RPA3: variants seen among roughly 807,000 people sequenced by gnomAD.
RPA3 encodes replication protein A 14 kDa subunit.
A neutral mutation model predicts 13.7 loss-of-function variants in RPA3; 24 were observed. The observed-to-expected ratio is 1.75, with a 90% CI of 1.27 to 2.46. The LOEUF is 2.46. Ranked by LOEUF, RPA3 falls within the 30% of genes most tolerant of loss-of-function variation. The pLI, the probability that RPA3 is intolerant of heterozygous loss-of-function variation, is 0.00. For synonymous variants in RPA3, 59 were observed against 51.2 expected, an observed-to-expected ratio of 1.15 and a Z score of -0.65; for missense variants, 183 against 151.0, an observed-to-expected ratio of 1.21 and a Z score of -1.11.
chr7:7,680,346 T>C (rs976742977), intron 4 of RPA3, among the ~76,000 whole-genome samples: 2 of 152,172 alleles, frequency 1.3e-5, no homozygotes, highest in Non-Finnish European at 2.9e-5. Context: ...ATGAGTTCAT[T>C]GTAAATGTGT....
intron 4 of RPA3, among the ~76,000 whole-genome samples, chr7:7,681,771 G>A (rs1779919881): frequency 6.6e-6 from 1 of 152,064 alleles, no homozygotes; most frequent in Admixed American, 6.6e-5. Flanking sequence ...GTTATGACAT[G>A]TTTAATTGTA....
At chr7:7,717,782 G>A (rs917171413) in intron 1 of RPA3, among the ~76,000 whole-genome samples, 7 of 152,212 alleles carry the variant, frequency 4.6e-5, no homozygotes, top group Non-Finnish European at 5.9e-5. Context: ...ATGAGAGCAT[G>A]AGTTTGAAAT....
intron 2 of RPA3, among the ~76,000 whole-genome samples, chr7:7,709,792 T>A (rs79461078): frequency 3.3e-5 from 5 of 150,864 alleles, no homozygotes; most frequent in East Asian, 1.9e-4. Flanking sequence ...TTTTTTTTTT[T>A]AAATAATGAG....
At chr7:7,660,371 T>A (rs1785444516) in intron 4 of RPA3, among the ~76,000 whole-genome samples, 1 of 152,210 alleles carries the variant, frequency 6.6e-6, no homozygotes, top group Non-Finnish European at 1.5e-5. Flanking sequence ...TTTTTCCAGT[T>A]AGTTGATGCA....
chr7:7,662,259 G>A (rs1583705989), intron 4 of RPA3, among the ~76,000 whole-genome samples: 2 of 152,186 alleles, frequency 1.3e-5, no homozygotes, highest in South Asian at 4.1e-4. Context: ...ATGGGGTTGG[G>A]ATCCACTGAG....
intron 5 of RPA3, chr7:7,640,097 A>G (rs942927544): frequency 1.8e-6 from 1 of 565,704 alleles, no homozygotes; most frequent in African/African-American, 1.9e-5. Flanking sequence ...GGGCACTGGA[A>G]TTTAGAACTC....
At chr7:7,684,072 C>G (rs1017824392) in intron 4 of RPA3, among the ~76,000 whole-genome samples, 1 of 152,180 alleles carries the variant, frequency 6.6e-6, no homozygotes, top group Admixed American at 6.5e-5. Flanking sequence ...ATACATCCTC[C>G]CATATACTTT....
intron 4 of RPA3, among the ~76,000 whole-genome samples, chr7:7,661,243 C>G (rs1238044064): frequency 6.6e-6 from 1 of 152,122 alleles, no homozygotes; most frequent in Non-Finnish European, 1.5e-5. Context: ...TTCTTAGCTT[C>G]CTTGCGTTGG....
chr7:7,695,020 C>T (rs1395208923), intron 2 of RPA3, among the ~76,000 whole-genome samples: 2 of 152,136 alleles, frequency 1.3e-5, no homozygotes, highest in African/African-American at 4.8e-5. Flanking sequence ...TTTGAGAGTT[C>T]CCCTTTTGCC....
At chr7:7,658,975 A>G (rs558160814) in intron 4 of RPA3, among the ~76,000 whole-genome samples, 6 of 152,210 alleles carry the variant, frequency 3.9e-5, no homozygotes, top group African/African-American at 1.4e-4. Flanking sequence ...TACTGCCTCA[A>G]TTTCAGAACT....
intron 3 of RPA3, among the ~76,000 whole-genome samples, chr7:7,686,748 A>G (rs138183377): frequency 5.9e-5 from 9 of 152,226 alleles, no homozygotes; most frequent in Non-Finnish European, 1.2e-4. Flanking sequence ...TTCCCCCTTT[A>G]TCTTTCCATG....
At chr7:7,698,327 A>G (rs1780365661) in intron 2 of RPA3, among the ~76,000 whole-genome samples, 1 of 152,188 alleles carries the variant, frequency 6.6e-6, no homozygotes, top group African/African-American at 2.4e-5. Flanking sequence ...AGTGCTTTTT[A>G]AAATAAGGTT....
intron 1 of RPA3, among the ~76,000 whole-genome samples, chr7:7,715,456 C>T (rs1185694641): frequency 2.0e-5 from 3 of 152,164 alleles, no homozygotes; most frequent in Admixed American, 1.3e-4. Context: ...GAAGTGCACT[C>T]TTATTTCAAT....
intron 2 of RPA3, among the ~76,000 whole-genome samples, chr7:7,696,143 C>G (rs756969032): frequency 2.0e-5 from 3 of 151,726 alleles, no homozygotes; most frequent in Non-Finnish European, 4.4e-5. Flanking sequence ...GTAGCTGGGA[C>G]TACAGGCATG....
At chr7:7,695,215 G>GA (rs1322930905) in intron 2 of RPA3, among the ~76,000 whole-genome samples, 1 of 152,122 alleles carries the variant, frequency 6.6e-6, no homozygotes, top group Non-Finnish European at 1.5e-5. Flanking sequence ...TCCAAGTAGA[G>GA]AAAATCACTG....
At chr7:7,657,043 G>A (rs1425023898) in intron 4 of RPA3, among the ~76,000 whole-genome samples, 2 of 152,106 alleles carry the variant, frequency 1.3e-5, no homozygotes, top group African/African-American at 2.4e-5. Flanking sequence ...TTGTGGTTTT[G>A]ATTTGCATTT....
At chr7:7,671,376 T>C (rs1288202075) in intron 4 of RPA3, among the ~76,000 whole-genome samples, 2 of 152,226 alleles carry the variant, frequency 1.3e-5, no homozygotes, top group Non-Finnish European at 2.9e-5. Flanking sequence ...CTCTTTTTTC[T>C]GAACCGTTTT....
chr7:7,655,058 A>G (rs970147022), intron 4 of RPA3, among the ~76,000 whole-genome samples: 10 of 152,108 alleles, frequency 6.6e-5, no homozygotes, highest in African/African-American at 2.4e-4. Context: ...AATGCTTGCT[A>G]TGCTAGCAGG....
rs1478988990 is a variant in RPA3, at chr7:7,637,088, A to G, written c.284-6T>C. On this transcript the variant is annotated splice_polypyrimidine_tract_variant and splice_region_variant and intron_variant, in intron 7 of 7. Coordinates refer to ENST00000223129, the MANE Select transcript of RPA3 (RefSeq NM_002947.5). ...TTCATTGTAAAGTCCAAGATCTGAA[A>G]GAAACATTTAAGCAAACATTTAATC... 6.3e-7 allele frequency: 1 copy of G among 1,587,298 alleles called. No homozygotes were observed. The highest frequency in any genetic ancestry group is 8.6e-7 in the Non-Finnish European group (1 of 1,156,358).
Sources: allele counts gnomAD v4.1 joint callset (sites outside exome capture counted in the v4.1 genomes callset), GRCh38; gene constraint gnomAD v4.1.1; transcripts MANE v1.5; gene names NCBI Gene and HGNC (gene_info 2026-07-23, HGNC 2026-07-21).